Variants in HIVEP3 observed in about 807,000 individuals in gnomAD.
The protein encoded by HIVEP3 is HIVEP zinc finger 3, also known as transcription factor HIVEP3.
HIVEP3 carries 49 observed loss-of-function variants against 152.8 expected under a neutral mutation model. The observed-to-expected ratio is 0.32, with a 90% CI of 0.26 to 0.41. HIVEP3 has a LOEUF of 0.41. HIVEP3 is among the 10% of genes least tolerant of loss of function. The pLI, the probability that HIVEP3 is intolerant of heterozygous loss-of-function variation, is 1.00. For missense variants in HIVEP3, 2,790 were observed against 3,103.3 expected (o/e 0.90, Z 2.40); for synonymous variants, 1,269 against 1,289.0 (o/e 0.98, Z 0.33).
intron 1 of HIVEP3, among the ~76,000 whole-genome samples, chr1:41,704,665 C>G (rs1279675602): frequency 6.6e-6 from 1 of 152,246 alleles, no homozygotes; most frequent in East Asian, 1.9e-4. Flanking sequence ...GCAGTGGGCA[C>G]TTGAATCTTG....
intron 1 of HIVEP3, among the ~76,000 whole-genome samples, chr1:41,782,074 G>A (rs1019290846): frequency 3.3e-5 from 5 of 152,192 alleles, no homozygotes; most frequent in Non-Finnish European, 7.3e-5. Flanking sequence ...TGGATGAATC[G>A]TTCAACCAAA....
chr1:41,817,491 A>G (rs1642446426), intron 1 of HIVEP3, among the ~76,000 whole-genome samples: 1 of 152,074 alleles, frequency 6.6e-6, no homozygotes, highest in Non-Finnish European at 1.5e-5. Flanking sequence ...AAATGAGGAC[A>G]CTGCCTGCTG....
chr1:41,954,005 T>C (rs1187008705), intron 1 of HIVEP3, among the ~76,000 whole-genome samples: 1 of 152,122 alleles, frequency 6.6e-6, no homozygotes, highest in African/African-American at 2.4e-5. Flanking sequence ...AACTGAGTTG[T>C]GTAACTGGTT....
At chr1:41,707,042 C>A (rs1187369629) in intron 1 of HIVEP3, among the ~76,000 whole-genome samples, 1 of 152,134 alleles carries the variant, frequency 6.6e-6, no homozygotes, top group African/African-American at 2.4e-5. Context: ...TTGAAAATAA[C>A]CCTTAAATTG....
intron 2 of HIVEP3, among the ~76,000 whole-genome samples, chr1:41,673,993 T>C (rs1645916224): frequency 6.6e-6 from 1 of 152,244 alleles, no homozygotes; most frequent in African/African-American, 2.4e-5. Flanking sequence ...GCTTTGATGA[T>C]GCACAGCTGC....
At chr1:41,922,560 G>A (rs963146553), upstream of HIVEP3, among the ~76,000 whole-genome samples, 2 of 152,086 alleles carry the variant, frequency 1.3e-5, no homozygotes, top group Non-Finnish European at 2.9e-5. Context: ...TATAAAAAAT[G>A]TAATGAATAA....
At chr1:41,701,436 G>C (rs536571177) in intron 1 of HIVEP3, among the ~76,000 whole-genome samples, 2 of 152,336 alleles carry the variant, frequency 1.3e-5, no homozygotes, top group South Asian at 4.1e-4. Context: ...GGTCCTCATA[G>C]AGATGAAGTC....
chr1:41,875,977 T>C (rs1009924037), intron 1 of HIVEP3, among the ~76,000 whole-genome samples: 1 of 152,192 alleles, frequency 6.6e-6, no homozygotes, highest in Admixed American at 6.5e-5. Flanking sequence ...CCACCTGACA[T>C]ACAACAGCTA....
intron 1 of HIVEP3, among the ~76,000 whole-genome samples, chr1:41,835,686 AC>A (rs1459516516): frequency 6.6e-6 from 1 of 152,034 alleles, no homozygotes; most frequent in African/African-American, 2.4e-5. Context: ...GATGTAGATC[AC>A]GCTAATATTC....
intron 7 of HIVEP3, 27 bp downstream of exon 7, chr1:41,518,375 G>A (rs371415339): frequency 2.2e-5 from 35 of 1,587,482 alleles, no homozygotes; most frequent in Non-Finnish European, 2.8e-5. Context: ...AAGGGGAAAG[G>A]GGACGGAGAA....
At chr1:41,900,708 C>A (rs1457164283) in intron 1 of HIVEP3, among the ~76,000 whole-genome samples, 1 of 151,988 alleles carries the variant, frequency 6.6e-6, no homozygotes, top group African/African-American at 2.4e-5. Flanking sequence ...AAGAAAGCAG[C>A]CTTCACACAT....
At chr1:41,835,556 A>G (rs1428194473) in intron 1 of HIVEP3, among the ~76,000 whole-genome samples, 1 of 152,260 alleles carries the variant, frequency 6.6e-6, no homozygotes, top group Non-Finnish European at 1.5e-5. Flanking sequence ...GATTCAGTCC[A>G]TAGCGTCTAG....
intron 3 of HIVEP3, among the ~76,000 whole-genome samples, chr1:41,589,998 C>T (rs1241965597): frequency 6.6e-6 from 1 of 152,224 alleles, no homozygotes; most frequent in Non-Finnish European, 1.5e-5. Context: ...TATTTAATGA[C>T]CTAGCAACAA....
chr1:41,952,047 G>T (rs1645111799), intron 1 of HIVEP3, among the ~76,000 whole-genome samples: 1 of 152,188 alleles, frequency 6.6e-6, no homozygotes, highest in African/African-American at 2.4e-5. Context: ...TCTGAAGGCA[G>T]CTTTCAACTG....
chr1:41,622,895 A>G (rs1010867794), intron 3 of HIVEP3, among the ~76,000 whole-genome samples: 1 of 152,226 alleles, frequency 6.6e-6, no homozygotes, highest in African/African-American at 2.4e-5. Flanking sequence ...ATGTGCCCAC[A>G]CTGGGCTGTG....
At chr1:41,734,386 C>T (rs1558222323) in intron 1 of HIVEP3, among the ~76,000 whole-genome samples, 1 of 152,204 alleles carries the variant, frequency 6.6e-6, no homozygotes, top group Admixed American at 6.5e-5. Flanking sequence ...CCAGGGAAGG[C>T]GAGAGATAGA....
chr1:41,745,044 C>A (rs1647051651), intron 1 of HIVEP3, among the ~76,000 whole-genome samples: 1 of 152,194 alleles, frequency 6.6e-6, no homozygotes, highest in Non-Finnish European at 1.5e-5. Flanking sequence ...TAAGCTCCAG[C>A]CAGAACCTGG....
At chr1:41,941,914 TC>T (rs1404884703) in intron 1 of HIVEP3, among the ~76,000 whole-genome samples, 1 of 152,204 alleles carries the variant, frequency 6.6e-6, no homozygotes, top group Non-Finnish European at 1.5e-5. Context: ...GCAAGTGTAA[TC>T]CGCCAATTTC....
chr1:41,556,870 A>C (rs923892175), intron 5 of HIVEP3, among the ~76,000 whole-genome samples: 2 of 152,216 alleles, frequency 1.3e-5, no homozygotes, highest in African/African-American at 4.8e-5. Flanking sequence ...CTGCTTTTGC[A>C]TCATTCCTTG....
Sources: gnomAD v4.1 joint callset for allele counts (sites outside exome capture counted in the v4.1 genomes callset) on GRCh38, gnomAD v4.1.1 for gene constraint, MANE v1.5 for transcripts, NCBI Gene and HGNC (gene_info 2026-07-23, HGNC 2026-07-21) for gene names.